Variants in ANKFN1 observed in about 807,000 individuals in gnomAD.
ANKFN1 encodes the protein ankyrin repeat and fibronectin type III domain containing 1.
Under a neutral mutation model 108.7 loss-of-function variants are expected in ANKFN1, and 74 were observed. That is an observed-to-expected ratio of 0.68 (90% CI 0.56 to 0.83). The LOEUF (loss-of-function observed/expected upper bound fraction) is 0.83, where lower values mean the gene tolerates loss of function less well. Among genes scored for constraint, ANKFN1 ranks in the 40% least tolerant of loss-of-function variants. The pLI is 0.00. For synonymous variants in ANKFN1, 547 were observed against 516.2 expected (o/e 1.06, Z -0.81); for missense variants, 1,505 against 1,382.3 (o/e 1.09, Z -1.41).
At chr17:56,467,832 AAG>A (rs1491147226) in intron 15 of ANKFN1, among the ~76,000 whole-genome samples, 2 of 42,438 alleles carry the variant, frequency 4.7e-5, no homozygotes, top group Non-Finnish European at 8.6e-5. Flanking sequence ...GAAAGAAAGA[AAG>A]AAAGAAAGAA....
At chr17:56,195,818 C>T (rs1598216736) in intron 1 of ANKFN1, among the ~76,000 whole-genome samples, 1 of 151,738 alleles carries the variant, frequency 6.6e-6, no homozygotes, top group East Asian at 1.9e-4. Context: ...GATGATGTTC[C>T]CATGTACTTA....
At chr17:56,217,736 A>G (rs1340152716) in intron 2 of ANKFN1, among the ~76,000 whole-genome samples, 1 of 151,766 alleles carries the variant, frequency 6.6e-6, no homozygotes, top group Non-Finnish European at 1.5e-5. Flanking sequence ...AAAGGAAGCT[A>G]GTCAGTTTAG....
In ANKFN1 at chr17:56,095,021, A is replaced by G. The variant is rs981029262; in HGVS notation, c.288+48696A>G. Among the ~76,000 whole-genome samples, 39 of 151,116 alleles carry G rather than the reference A, an allele frequency of 2.6e-4. 1 individual carries two copies. The highest frequency in any genetic ancestry group is 1.4e-3 in the Admixed American group (21 of 15,116). On this transcript the variant is annotated intron_variant, in intron 4 of 12. Transcript: ENST00000635860. ...AAATTGTGCTCCAAGTCCCAAGTAA[A>G]CAGCCTAAAATCTTTATACAATGGC...
At chr17:56,341,435 G>A (rs2045956082) in intron 4 of ANKFN1, among the ~76,000 whole-genome samples, 1 of 152,084 alleles carries the variant, frequency 6.6e-6, no homozygotes, top group Non-Finnish European at 1.5e-5. Flanking sequence ...GATGTTGGCT[G>A]TGAGTTTGTC....
At chr17:56,371,590 C>T (rs938134204) in intron 6 of ANKFN1, among the ~76,000 whole-genome samples, 7 of 152,170 alleles carry the variant, frequency 4.6e-5, no homozygotes, top group African/African-American at 1.4e-4. Context: ...ATTTCAGCAA[C>T]AGATCTGTAG....
chr17:56,047,982 AT>A (rs1245488118), intron 4 of ANKFN1, among the ~76,000 whole-genome samples: 1 of 152,210 alleles, frequency 6.6e-6, no homozygotes, highest in Non-Finnish European at 1.5e-5. Context: ...TCTTCTCCTA[AT>A]CTCACCCCTT....
intron 3 of ANKFN1, among the ~76,000 whole-genome samples, chr17:56,320,696 C>T (rs1424913698): frequency 6.6e-6 from 1 of 152,136 alleles, no homozygotes; most frequent in Non-Finnish European, 1.5e-5. Context: ...CACGTCGGTG[C>T]TACAGCCCGG....
chr17:56,338,986 C>A (rs554810488), intron 4 of ANKFN1, among the ~76,000 whole-genome samples: 1 of 152,164 alleles, frequency 6.6e-6, no homozygotes, highest in South Asian at 2.1e-4. Context: ...CAGTGCCTCC[C>A]ATTGGGTGGG....
chr17:56,176,308 C>G (rs1911149843), intron 1 of ANKFN1, among the ~76,000 whole-genome samples: 1 of 152,044 alleles, frequency 6.6e-6, no homozygotes, highest in African/African-American at 2.4e-5. Flanking sequence ...AGTTTAAAAC[C>G]CCTGGTAAGG....
At chr17:56,317,936 C>T (rs2045255033) in intron 3 of ANKFN1, among the ~76,000 whole-genome samples, 1 of 152,130 alleles carries the variant, frequency 6.6e-6, no homozygotes, top group Non-Finnish European at 1.5e-5. Flanking sequence ...AGACACGATA[C>T]ACATTGTCTC....
chr17:56,507,365 C>T (rs1445549993), intron 20 of ANKFN1, among the ~76,000 whole-genome samples: 1 of 152,036 alleles, frequency 6.6e-6, no homozygotes, highest in Non-Finnish European at 1.5e-5. Flanking sequence ...CTTTCCTAAC[C>T]CCTTACCTCT....
chr17:56,477,460 C>CTTTTTTTTTTT, intron 15 of ANKFN1, 28 bp from the exon 16 acceptor site: 1 of 1,347,602 alleles, frequency 7.4e-7, no homozygotes, highest in Non-Finnish European at 9.7e-7. Context: ...TTCTTGTTTT[C>CTTTTTTTTTTT]TTTTTTTTTT....
intron 11 of ANKFN1, among the ~76,000 whole-genome samples, chr17:56,451,804 T>C (rs2049498848): frequency 6.6e-6 from 1 of 152,170 alleles, no homozygotes; most frequent in Admixed American, 6.5e-5. Context: ...TTATGCATAT[T>C]CCATAGAATT....
rs1028248373 is a variant in ANKFN1 at position 56,477,383 on chromosome 17, G to T, written c.1774-105G>T. ...TTTCTCACCTAATTACTTAGTGACA[G>T]CTCCTTTCATTCATGACAAGCCTTC... is the stretch of plus-strand genomic sequence containing the variant. On this transcript the variant is annotated intron_variant, in intron 15 of 20. Transcript: ENST00000682825. 16 of 1,136,980 alleles carry T rather than the reference G, an allele frequency of 1.4e-5. No homozygotes were observed. In the Admixed American group the frequency reaches 4.9e-4, roughly 35 times the overall value. The allele number at this position is 1,136,980 out of a possible 1,614,324, so 70.4% of individuals were successfully genotyped here.
At chr17:56,151,365 C>T (rs1908594569), upstream of ANKFN1, among the ~76,000 whole-genome samples, 2 of 152,122 alleles carry the variant, frequency 1.3e-5, no homozygotes, top group Admixed American at 1.3e-4. Flanking sequence ...CAGATATTCC[C>T]AAATGATATG....
intron 3 of ANKFN1, among the ~76,000 whole-genome samples, chr17:56,275,727 T>G (rs1388846851): frequency 6.6e-6 from 1 of 152,138 alleles, no homozygotes; most frequent in Non-Finnish European, 1.5e-5. Flanking sequence ...ACAGAATATT[T>G]CTAAGAAATG....
intron 2 of ANKFN1, among the ~76,000 whole-genome samples, chr17:56,225,236 T>C (rs1428823348): frequency 3.3e-5 from 5 of 152,166 alleles, no homozygotes; most frequent in African/African-American, 4.8e-5. Flanking sequence ...TGCCTTCTTA[T>C]GTCCTGCTCT....
intron 3 of ANKFN1, among the ~76,000 whole-genome samples, chr17:56,262,706 A>G (rs945599878): frequency 2.0e-5 from 3 of 152,242 alleles, no homozygotes; most frequent in Non-Finnish European, 4.4e-5. Context: ...CCATAGAAAC[A>G]GTTTGACATT....
At chr17:56,054,120 T>A (rs2041503557) in intron 4 of ANKFN1, among the ~76,000 whole-genome samples, 1 of 152,182 alleles carries the variant, frequency 6.6e-6, no homozygotes, top group Admixed American at 6.5e-5. Context: ...ACGCTGTTGG[T>A]GGGAATGTAA....
Sources: gnomAD v4.1 joint callset for allele counts (sites outside exome capture counted in the v4.1 genomes callset) on GRCh38, gnomAD v4.1.1 for gene constraint, MANE v1.5 for transcripts, NCBI Gene and HGNC (gene_info 2026-07-23, HGNC 2026-07-21) for gene names.